CGNL1: variants seen among roughly 807,000 people sequenced by gnomAD.
The protein encoded by CGNL1 is cingulin like 1, also known as cingulin-like protein 1.
Under a neutral mutation model 141.2 loss-of-function variants are expected in CGNL1, and 132 were observed. The observed-to-expected ratio is 0.93, with a 90% confidence interval of 0.81 to 1.08. The LOEUF (loss-of-function observed/expected upper bound fraction) is 1.08, where lower values mean the gene tolerates loss of function less well. Ranked by LOEUF, CGNL1 falls within the 50% of genes least tolerant of loss-of-function variation. The pLI, the probability that CGNL1 is intolerant of heterozygous loss-of-function variation, is 0.00. For synonymous variants in CGNL1, 690 were observed against 622.1 expected (o/e 1.11, Z -1.63); for missense variants, 1,870 against 1,588.6 (o/e 1.18, Z -3.01).
chr15:57,433,934 C>G (rs1448292035), intron 1 of CGNL1, among the ~76,000 whole-genome samples: 6 of 133,014 alleles, frequency 4.5e-5, no homozygotes, highest in South Asian at 2.9e-4. Context: ...ATACTTTTTT[C>G]TTTCACATTA....
intron 1 of CGNL1, among the ~76,000 whole-genome samples, chr15:57,383,455 C>T (rs1360047465): frequency 1.3e-5 from 2 of 151,772 alleles, no homozygotes; most frequent in Non-Finnish European, 2.9e-5. Flanking sequence ...CGTGCCACGA[C>T]GCCCGGCTAA....
chr15:57,516,108 G>A (rs955384773), intron 8 of CGNL1, among the ~76,000 whole-genome samples: 3 of 140,548 alleles, frequency 2.1e-5, no homozygotes, highest in South Asian at 4.5e-4. Flanking sequence ...GCAGTGAGCC[G>A]ACATCGCGCC....
At chr15:57,414,339 G>A (rs2062825425) in intron 1 of CGNL1, among the ~76,000 whole-genome samples, 1 of 152,200 alleles carries the variant, frequency 6.6e-6, no homozygotes, top group African/African-American at 2.4e-5. Flanking sequence ...ATAAGAGCAG[G>A]TTTCTTCCAA....
At chr15:57,469,637 C>T (rs551967769) in intron 8 of CGNL1, among the ~76,000 whole-genome samples, 106 of 152,172 alleles carry the variant, frequency 7.0e-4, no homozygotes, top group African/African-American at 2.1e-3. Flanking sequence ...ACTGTAAATT[C>T]TTTCTGCCCA....
At chr15:57,391,981 C>G (rs572503749) in intron 1 of CGNL1, among the ~76,000 whole-genome samples, 5 of 151,096 alleles carry the variant, frequency 3.3e-5, no homozygotes, top group Admixed American at 2.0e-4. Flanking sequence ...TTTCCCCCCC[C>G]TCACCTGACA....
chr15:57,538,198 T>C (rs2032369034), intron 14 of CGNL1, among the ~76,000 whole-genome samples: 1 of 152,238 alleles, frequency 6.6e-6, no homozygotes, highest in Admixed American at 6.5e-5. Flanking sequence ...TAATACCACA[T>C]AGTATTTCTT....
At chr15:57,503,951 A>G (rs1209096181) in intron 8 of CGNL1, among the ~76,000 whole-genome samples, 1 of 152,106 alleles carries the variant, frequency 6.6e-6, no homozygotes, top group Non-Finnish European at 1.5e-5. Flanking sequence ...ACACAGCCAA[A>G]TCATATCAGG....
chr15:57,474,554 G>A (rs956610954), intron 8 of CGNL1, among the ~76,000 whole-genome samples: 12 of 152,166 alleles, frequency 7.9e-5, no homozygotes, highest in African/African-American at 2.9e-4. Flanking sequence ...ATGTGTAGAG[G>A]TAAATAAAGG....
chr15:57,523,502 A>G lies in CGNL1; in HGVS notation c.2729A>G (p.Gln910Arg), dbSNP rs757394731. The change falls in exon 11 of 19, where the codon CAG becomes CGG. Residue 910 changes from glutamine to arginine, a missense_variant. By Grantham distance (43) the Gln-to-Arg change is conservative. Coordinates refer to ENST00000281282, the MANE Select transcript of CGNL1 (RefSeq NM_032866.5). The stretch of plus-strand genomic sequence containing the variant: ...TGCCATTTGCAGGGAAATCTGAGTC[A>G]GACTACCCAGGAGCAGAAGCAGTTG... ...ELEAAQGNLS[Q>R]TTQEQKQLSE... 62 of 1,614,068 alleles carry G rather than the reference A, an allele frequency of 3.8e-5. No homozygotes were observed. The highest frequency in any genetic ancestry group is 4.7e-5 in the Non-Finnish European group (56 of 1,180,030).
chr15:57,472,572 G>C (rs2063596410), intron 8 of CGNL1, among the ~76,000 whole-genome samples: 2 of 152,168 alleles, frequency 1.3e-5, no homozygotes, highest in South Asian at 4.1e-4. Flanking sequence ...CTGACACTTA[G>C]GATGGAGGCA....
In CGNL1 at chr15:57,461,728, G is replaced by A. The variant is rs772638866; in HGVS notation, c.2239G>A (p.Glu747Lys). ...TCTTCAAGATCTGCTGATTGCCAAA[G>A]AGGAGCAAGAAGACCTCTTGAGAAA... ...QDLQDLLIAK[E>K]EQEDLLRKRE... The change falls in exon 8 of 19, where the codon GAG (glutamate) becomes AAG (lysine). Residue 747 changes from glutamate to lysine, a missense_variant. Physicochemically the swap from Glu to Lys is moderately conservative, Grantham distance 56 (BLOSUM62 1). Coordinates refer to ENST00000281282, the MANE Select transcript of CGNL1 (RefSeq NM_032866.5). 1 of 1,614,152 alleles carries A rather than the reference G, an allele frequency of 6.2e-7. No individual in the cohort carries two copies. Among genetic ancestry groups the A allele is most frequent in the Non-Finnish European group, 8.5e-7 (1 of 1,180,014 alleles).
chr15:57,538,464 TC>T (rs1189368319), intron 14 of CGNL1, among the ~76,000 whole-genome samples: 2 of 148,770 alleles, frequency 1.3e-5, no homozygotes, highest in Non-Finnish European at 3.0e-5. Flanking sequence ...GATAAATAAT[TC>T]CTTTTTTTGC....
At chr15:57,519,901 A>C (rs2031126888) in intron 10 of CGNL1, among the ~76,000 whole-genome samples, 1 of 152,188 alleles carries the variant, frequency 6.6e-6, no homozygotes, top group South Asian at 2.1e-4. Flanking sequence ...TTTCACACAT[A>C]CGGAAGTGGT....
At chr15:57,451,683 G>A (rs755871603) in intron 5 of CGNL1, 82 bp downstream of exon 5, 48 of 957,580 alleles carry the variant, frequency 5.0e-5, no homozygotes, top group Non-Finnish European at 5.5e-5. Flanking sequence ...GGGATAACCA[G>A]AGTGAAAGCC....
intron 8 of CGNL1, among the ~76,000 whole-genome samples, chr15:57,466,281 T>C (rs1441920310): frequency 6.6e-6 from 1 of 152,194 alleles, no homozygotes; most frequent in Non-Finnish European, 1.5e-5. Context: ...CTTGGGTTCG[T>C]GGCCATGGCT....
rs757397047 is a variant in CGNL1 at position 57,547,441 on chromosome 15, C to T, written c.3860C>T (p.Pro1287Leu). ...STDGGSLYEAPVSYTFSKDST... is the reference protein window; with the variant it reads ...STDGGSLYEALVSYTFSKDST... Reference sequence around the variant, plus strand: ...GATGGGGGAAGCCTCTATGAGGCGCCTGTGAGCTACACATTCTCCAAGGAC... The same window carrying T: ...GATGGGGGAAGCCTCTATGAGGCGCTTGTGAGCTACACATTCTCCAAGGAC... Residue 1287 changes from proline (P) to leucine (L), a missense_variant, in exon 19 of 19, where the codon CCT becomes CTT. By Grantham distance (98) the Pro-to-Leu change is moderately conservative. Coordinates refer to ENST00000281282, the MANE Select transcript of CGNL1 (RefSeq NM_032866.5). The T allele has an allele frequency of 3.1e-6, 5 of 1,614,198 alleles. No homozygotes were observed. In the South Asian group the frequency reaches 4.4e-5, roughly 14 times the overall value.
At chr15:57,414,440 T>G (rs185666106) in intron 1 of CGNL1, among the ~76,000 whole-genome samples, 2 of 152,284 alleles carry the variant, frequency 1.3e-5, no homozygotes. Context: ...GCACCAAAGA[T>G]AAGCATAGAG....
chr15:57,542,957 G>T lies in CGNL1; in HGVS notation c.3292-739G>T, dbSNP rs114536997. Among the ~76,000 whole-genome samples, 506 of 152,314 alleles carry T rather than the reference G, an allele frequency of 3.3e-3. 4 individuals are homozygous for T. The highest frequency in any genetic ancestry group is 0.011 in the African/African-American group (474 of 41,556). ...CTGAGGGTTGTTTGTGAGTGTCATA[G>T]GATCCTACCTGTGGAGTCTAAGCAG... On this transcript the variant is annotated intron_variant, in intron 14 of 18. Transcript: ENST00000281282.
rs951611794 is a variant in CGNL1, at chr15:57,503,196, A to G, written c.2404-13584A>G. ...GGCTGCCAGGCTCTCCAGATCCTCA[A>G]TAGTTAGGTCAGTAGGAGCCTTGGC... On this transcript the variant is annotated intron_variant, in intron 8 of 18. Coordinates refer to ENST00000281282, the MANE Select transcript of CGNL1 (RefSeq NM_032866.5). Among the ~76,000 whole-genome samples, 7 of 152,160 alleles carry G rather than the reference A, an allele frequency of 4.6e-5. No individual in the cohort carries two copies. The South Asian group carries it at 1.5e-3, about 32-fold the overall frequency.
Sources: allele counts gnomAD v4.1 joint callset (sites outside exome capture counted in the v4.1 genomes callset), GRCh38; gene constraint gnomAD v4.1.1; transcripts MANE v1.5; gene names NCBI Gene and HGNC (gene_info 2026-07-23, HGNC 2026-07-21).